Variants in NRG3 observed in about 807,000 individuals in gnomAD.
NRG3 encodes neuregulin 3, also known as pro-neuregulin-3, membrane-bound isoform.
In NRG3, 31 loss-of-function variants were observed where a neutral mutation model predicts 66.9. That is an observed-to-expected ratio of 0.46 (90% confidence interval 0.35 to 0.63). The LOEUF is 0.63. Ranked by LOEUF, NRG3 falls within the 20% of genes least tolerant of loss-of-function variation. NRG3 has a pLI of 0.00. For synonymous variants in NRG3, 393 were observed against 359.4 expected (o/e 1.09, Z -1.06); for missense variants, 910 against 878.9 (o/e 1.04, Z -0.45).
chr10:82,096,818 A>G (rs1234815435), intron 1 of NRG3, among the ~76,000 whole-genome samples: 1 of 152,168 alleles, frequency 6.6e-6, no homozygotes, highest in Non-Finnish European at 1.5e-5. Flanking sequence ...ATAATAATCC[A>G]TTGCCTATGA....
At chr10:82,736,459 A>G (rs924027661) in intron 2 of NRG3, among the ~76,000 whole-genome samples, 1 of 152,216 alleles carries the variant, frequency 6.6e-6, no homozygotes, top group African/African-American at 2.4e-5. Flanking sequence ...CCTCCTTAAC[A>G]AAGGAACAGG....
chr10:82,533,453 A>T lies in NRG3; in HGVS notation c.953+174585A>T, dbSNP rs566947925. Among the ~76,000 whole-genome samples, 9 of 149,050 alleles carry T rather than the reference A, an allele frequency of 6.0e-5. No homozygotes were observed. The South Asian group carries it at 1.9e-3, about 32-fold the overall frequency. ...AAATTTATGTTGATAATCCGTTTTG[A>T]TTTTTTTTTTGCATATGGTATAAGA... On this transcript the variant is annotated intron_variant, in intron 2 of 8. Coordinates refer to ENST00000372141, the MANE Select transcript of NRG3 (RefSeq NM_001010848.4).
At chr10:82,772,191 A>T (rs2059737224) in intron 3 of NRG3, among the ~76,000 whole-genome samples, 2 of 152,114 alleles carry the variant, frequency 1.3e-5, no homozygotes, top group Admixed American at 6.6e-5. Flanking sequence ...ATGTTATGGG[A>T]TACATACAGA....
intron 2 of NRG3, among the ~76,000 whole-genome samples, chr10:82,642,143 C>T (rs1015939127): frequency 1.3e-5 from 2 of 152,172 alleles, no homozygotes; most frequent in Admixed American, 6.6e-5. Flanking sequence ...TAATGGCCTA[C>T]AGTTCCATCC....
chr10:82,523,223 G>A (rs1028575459), intron 2 of NRG3, among the ~76,000 whole-genome samples: 1 of 151,978 alleles, frequency 6.6e-6, no homozygotes, highest in Non-Finnish European at 1.5e-5. Context: ...ATGAGCATTT[G>A]TATACAAGAG....
At chr10:82,178,568 A>T (rs2073201179) in intron 1 of NRG3, among the ~76,000 whole-genome samples, 1 of 152,116 alleles carries the variant, frequency 6.6e-6, no homozygotes, top group Admixed American at 6.6e-5. Context: ...TCTTCTTTTT[A>T]TGGCTAAATA....
intron 1 of NRG3, among the ~76,000 whole-genome samples, chr10:81,957,745 C>A (rs1849978363): frequency 6.6e-6 from 1 of 152,086 alleles, no homozygotes; most frequent in African/African-American, 2.4e-5. Flanking sequence ...TAAGTTAGCA[C>A]CACTTGATAA....
At chr10:82,245,904 C>G (rs748991717) in intron 1 of NRG3, among the ~76,000 whole-genome samples, 3 of 151,460 alleles carry the variant, frequency 2.0e-5, no homozygotes, top group Non-Finnish European at 4.4e-5. Context: ...ATACATTTAT[C>G]CTACTTTACA....
At chr10:82,219,527 T>A (rs1023297004) in intron 1 of NRG3, among the ~76,000 whole-genome samples, 1 of 152,110 alleles carries the variant, frequency 6.6e-6, no homozygotes, top group Non-Finnish European at 1.5e-5. Context: ...TGCATGATTA[T>A]TTTTTGGGCC....
chr10:81,926,661 C>G (rs970491583), intron 1 of NRG3, among the ~76,000 whole-genome samples: 2 of 151,986 alleles, frequency 1.3e-5, no homozygotes, highest in African/African-American at 4.8e-5. Flanking sequence ...TGTGGAAGTC[C>G]TACTTATTAA....
chr10:82,475,698 G>A (rs948594139), intron 2 of NRG3, among the ~76,000 whole-genome samples: 4 of 152,076 alleles, frequency 2.6e-5, no homozygotes, highest in African/African-American at 9.7e-5. Flanking sequence ...AACTGAAAGT[G>A]GATCAAATAC....
intron 2 of NRG3, among the ~76,000 whole-genome samples, chr10:82,647,192 C>T (rs2051010465): frequency 6.6e-6 from 1 of 151,736 alleles, no homozygotes; most frequent in South Asian, 2.1e-4. Context: ...GTGTGATGTT[C>T]CCCTTCCTGT....
chr10:82,788,935 G>A (rs2060477537), intron 3 of NRG3, among the ~76,000 whole-genome samples: 1 of 152,000 alleles, frequency 6.6e-6, no homozygotes, highest in Non-Finnish European at 1.5e-5. Flanking sequence ...ATATTTATCA[G>A]TTTATAAACA....
intron 2 of NRG3, among the ~76,000 whole-genome samples, chr10:82,656,116 CT>C (rs902863825): frequency 6.6e-6 from 1 of 152,012 alleles, no homozygotes; most frequent in African/African-American, 2.4e-5. Context: ...CAATTTTAAG[CT>C]TTTAAACAAG....
At chr10:82,388,481 C>T (rs2086150930) in intron 2 of NRG3, among the ~76,000 whole-genome samples, 1 of 151,884 alleles carries the variant, frequency 6.6e-6, no homozygotes, top group Non-Finnish European at 1.5e-5. Flanking sequence ...GCTATAGAAC[C>T]CTGGATTTCC....
intron 1 of NRG3, among the ~76,000 whole-genome samples, chr10:82,135,122 A>C (rs200331716): frequency 7.7e-4 from 79 of 102,252 alleles, no homozygotes; most frequent in Non-Finnish European, 9.9e-4. Context: ...ACTCCCTCTC[A>C]AAAAAAAAAA....
intron 1 of NRG3, among the ~76,000 whole-genome samples, chr10:81,961,827 T>G (rs1850392292): frequency 6.6e-6 from 1 of 152,264 alleles, no homozygotes; most frequent in East Asian, 1.9e-4. Flanking sequence ...TCTATGAACT[T>G]GTCCCACAAG....
chr10:82,487,538 G>T (rs1464615679), intron 2 of NRG3, among the ~76,000 whole-genome samples: 1 of 152,064 alleles, frequency 6.6e-6, no homozygotes, highest in Admixed American at 6.6e-5. Context: ...CAGAATCCAG[G>T]TTAAACATGT....
At chr10:82,790,869 CTAGTGAACTTATTTCAAT>C (rs1342035461) in intron 3 of NRG3, among the ~76,000 whole-genome samples, 4 of 151,692 alleles carry the variant, frequency 2.6e-5, no homozygotes, top group African/African-American at 9.7e-5. Flanking sequence ...TTGAACCCCT[CTAGTGAACTTATTTCAAT>C]TATTGCCCAT....
Sources: allele counts gnomAD v4.1 joint callset (sites outside exome capture counted in the v4.1 genomes callset), GRCh38; gene constraint gnomAD v4.1.1; transcripts MANE v1.5; gene names NCBI Gene and HGNC (gene_info 2026-07-23, HGNC 2026-07-21).